Variants in RFX7 observed in about 807,000 individuals in gnomAD.
RFX7 encodes DNA-binding protein RFX7.
RFX7 carries 26 observed loss-of-function variants against 111.8 expected under a neutral mutation model. The ratio of observed to expected loss-of-function variants is 0.23; its 90% CI spans 0.17 to 0.32. The LOEUF (loss-of-function observed/expected upper bound fraction) is 0.32. Ranked by LOEUF, RFX7 falls within the 10% of genes least tolerant of loss-of-function variation. RFX7 has a pLI of 1.00. For missense variants in RFX7, 1,573 were observed against 1,772.9 expected, an observed-to-expected ratio of 0.89 and a Z score of 2.02; for synonymous variants, 624 against 624.4, an observed-to-expected ratio of 1.00 and a Z score of 0.01.
At chr15:56,191,353 T>C (rs771336385) in intron 2 of RFX7, among the ~76,000 whole-genome samples, 6 of 152,208 alleles carry the variant, frequency 3.9e-5, no homozygotes, top group Admixed American at 3.9e-4. Context: ...GAATTACCTA[T>C]AGACAAAGGA....
chr15:56,128,380 T>C (rs2042171888), intron 5 of RFX7, among the ~76,000 whole-genome samples: 1 of 152,190 alleles, frequency 6.6e-6, no homozygotes, highest in African/African-American at 2.4e-5. Flanking sequence ...ATGGATTAGA[T>C]ATCATGATTA....
intron 3 of RFX7, among the ~76,000 whole-genome samples, chr15:56,162,174 A>G (rs2042727569): frequency 6.6e-6 from 1 of 152,070 alleles, no homozygotes. Flanking sequence ...AGCTGCCACA[A>G]TGCTTTCAAA....
chr15:56,209,865 T>C (rs905854749), intron 2 of RFX7, among the ~76,000 whole-genome samples: 8 of 149,274 alleles, frequency 5.4e-5, no homozygotes, highest in African/African-American at 1.7e-4. Context: ...TCAAATAAAA[T>C]GCTCAATCAA....
chr15:56,103,480 G>C lies in RFX7; in HGVS notation c.518+74C>G, dbSNP rs2041786265. Reference sequence around the variant, plus strand: ...TTATTTCTAAATAAAGTTGCCAGTTGAACTACAACAATAGATGTTCTATAA... The same window carrying C: ...TTATTTCTAAATAAAGTTGCCAGTTCAACTACAACAATAGATGTTCTATAA... On this transcript the variant is annotated intron_variant, in intron 6 of 9. Transcript: ENST00000559447. 3 of 906,338 alleles carry C rather than the reference G, an allele frequency of 3.3e-6. No homozygotes were observed. The East Asian group carries it at 8.2e-5, about 25-fold the overall frequency. The allele number at this position is 906,338 out of a possible 1,614,324, so 56.1% of individuals were successfully genotyped here.
intron 2 of RFX7, among the ~76,000 whole-genome samples, chr15:56,204,182 G>A (rs1434914262): frequency 6.6e-6 from 1 of 151,848 alleles, no homozygotes; most frequent in African/African-American, 2.4e-5. Context: ...ACCACGCTTG[G>A]CTAATTTTGT....
At chr15:56,243,068 C>A (rs2141254179) in intron 2 of RFX7, 57 bp downstream of exon 2, 33 of 1,244,526 alleles carry the variant, frequency 2.7e-5, no homozygotes, top group Non-Finnish European at 3.3e-5. Context: ...CCCCCACCCA[C>A]TTTGCAGCAG....
chr15:56,161,886 G>C (rs1490029589), intron 3 of RFX7, among the ~76,000 whole-genome samples: 2 of 152,104 alleles, frequency 1.3e-5, no homozygotes, highest in African/African-American at 4.8e-5. Context: ...ATTCAAATGA[G>C]AGCCATCTTA....
intron 2 of RFX7, among the ~76,000 whole-genome samples, chr15:56,234,110 T>C (rs1283580286): frequency 6.6e-6 from 1 of 152,228 alleles, no homozygotes; most frequent in African/African-American, 2.4e-5. Context: ...CTGAATTTTG[T>C]CAGTAAAAAT....
chr15:56,180,182 G>C (rs980641243), intron 2 of RFX7, among the ~76,000 whole-genome samples: 3 of 152,130 alleles, frequency 2.0e-5, no homozygotes, highest in Non-Finnish European at 4.4e-5. Context: ...ATTTGCCTTT[G>C]TATGTAGCCA....
At chr15:56,097,529 G>A (rs2041695272) in intron 9 of RFX7, among the ~76,000 whole-genome samples, 1 of 151,982 alleles carries the variant, frequency 6.6e-6, no homozygotes, top group Non-Finnish European at 1.5e-5. Context: ...AAGGCGGGTG[G>A]ATCACTTGAC....
rs376999661 is a variant in RFX7, at chr15:56,096,007, T to C, written c.1721A>G (p.Asn574Ser). 80 of 1,612,864 alleles carry C rather than the reference T, an allele frequency of 5.0e-5. No individual in the cohort carries two copies. Among genetic ancestry groups the C allele is most frequent in the Non-Finnish European group, 6.4e-5 (76 of 1,179,512 alleles). The stretch of plus-strand genomic sequence containing the variant: ...AGGTTTCTGCAGTGCTCCGTCTGTA[T>C]TACTTTTCTGCCCCAAAAGGGCACT... ...TPSALLGQKS[N>S]TDGALQKPSN... Residue 574 changes from asparagine to serine, a missense_variant, in exon 10 of 10, where the codon AAT (asparagine) becomes AGT (serine). Asn to Ser is a conservative substitution (Grantham distance 46). Transcript: ENST00000559447.
intron 5 of RFX7, among the ~76,000 whole-genome samples, chr15:56,141,696 G>A (rs1021877987): frequency 1.5e-5 from 1 of 65,136 alleles, no homozygotes; most frequent in Non-Finnish European, 2.8e-5. Flanking sequence ...CTGAATAAGG[G>A]CAAGGGCTGT....
chr15:56,224,294 C>T (rs541978611), intron 2 of RFX7, among the ~76,000 whole-genome samples: 1 of 151,888 alleles, frequency 6.6e-6, no homozygotes. Context: ...TGTAAGCAAG[C>T]AATTTTAAAG....
chr15:56,239,949 G>C (rs1354415158), intron 2 of RFX7, among the ~76,000 whole-genome samples: 1 of 149,046 alleles, frequency 6.7e-6, no homozygotes, highest in Non-Finnish European at 1.5e-5. Context: ...AAGACACTGA[G>C]AGATAAGAGG....
chr15:56,124,354 G>T (rs527863457), intron 5 of RFX7, among the ~76,000 whole-genome samples: 1 of 151,678 alleles, frequency 6.6e-6, no homozygotes, highest in Admixed American at 6.6e-5. Context: ...CCCAGGAGGC[G>T]GAGCTTGCAG....
At chr15:56,178,170 C>CT (rs2042923736) in intron 3 of RFX7, among the ~76,000 whole-genome samples, 1 of 31,892 alleles carries the variant, frequency 3.1e-5, no homozygotes, top group Non-Finnish European at 8.1e-5. Context: ...AAAAACTACA[C>CT]ACACACACAC....
chr15:56,214,587 C>T (rs1433012005), intron 2 of RFX7, among the ~76,000 whole-genome samples: 3 of 151,844 alleles, frequency 2.0e-5, no homozygotes, highest in African/African-American at 4.8e-5. Context: ...CGGTGGCGGG[C>T]GCCTGTAGTC....
intron 3 of RFX7, among the ~76,000 whole-genome samples, chr15:56,147,816 G>A (rs1482458710): frequency 1.3e-5 from 2 of 152,198 alleles, no homozygotes; most frequent in Non-Finnish European, 2.9e-5. Context: ...CTCATGATCC[G>A]CCTGCCTTGG....
chr15:56,200,903 A>C (rs1191734228), intron 2 of RFX7, among the ~76,000 whole-genome samples: 1 of 152,184 alleles, frequency 6.6e-6, no homozygotes, highest in Non-Finnish European at 1.5e-5. Flanking sequence ...AGGTGCCACT[A>C]ATAGGTGACA....
Sources: gnomAD v4.1 joint callset for allele counts (sites outside exome capture counted in the v4.1 genomes callset) on GRCh38, gnomAD v4.1.1 for gene constraint, MANE v1.5 for transcripts, NCBI Gene and HGNC (gene_info 2026-07-23, HGNC 2026-07-21) for gene names.